Variants in NALCN observed in about 807,000 individuals in gnomAD.
NALCN encodes sodium leak channel NALCN.
A neutral mutation model predicts 225.3 loss-of-function variants in NALCN; 111 were observed. The observed-to-expected ratio is 0.49, with a 90% CI of 0.42 to 0.58. NALCN has a LOEUF of 0.58. NALCN is among the 20% of genes least tolerant of loss of function. NALCN has a pLI of 0.00. For missense variants in NALCN, 1,378 were observed against 2,202.4 expected (o/e 0.63, Z 7.49); for synonymous variants, 764 against 769.0 (o/e 0.99, Z 0.11).
chr13:101,083,014 T>C, intron 32 of NALCN, 78 bp downstream of exon 32: 1 of 1,541,136 alleles, frequency 6.5e-7, no homozygotes, highest in Non-Finnish European at 9.0e-7. Context: ...CGTGAATGCA[T>C]ATAGCAGCTT....
At chr13:101,368,267 T>C (rs915333059) in intron 6 of NALCN, among the ~76,000 whole-genome samples, 3 of 151,338 alleles carry the variant, frequency 2.0e-5, no homozygotes, top group African/African-American at 7.3e-5. Flanking sequence ...GGTTTTTTGT[T>C]CTTGCGATAG....
At chr13:101,393,175 A>T (rs910605062) in intron 3 of NALCN, among the ~76,000 whole-genome samples, 1 of 152,202 alleles carries the variant, frequency 6.6e-6, no homozygotes. Flanking sequence ...GAATGAAAAA[A>T]TAGTAACTTA....
chr13:101,314,097 T>G (rs1360967274), intron 7 of NALCN, among the ~76,000 whole-genome samples: 1 of 131,664 alleles, frequency 7.6e-6, no homozygotes, highest in Non-Finnish European at 1.5e-5. Flanking sequence ...CACTCATAGG[T>G]GGGAATTGAA....
chr13:101,347,859 T>C (rs9518375), intron 6 of NALCN, among the ~76,000 whole-genome samples: 19,126 of 152,212 alleles, frequency 0.13, 1,546 homozygotes, highest in East Asian at 0.37. Flanking sequence ...TGTACTCAAA[T>C]AATGCTTGAT....
At chr13:101,129,458 T>C (rs2036404909) in intron 17 of NALCN, among the ~76,000 whole-genome samples, 1 of 152,206 alleles carries the variant, frequency 6.6e-6, no homozygotes, top group African/African-American at 2.4e-5. Flanking sequence ...GTTCTTTTTA[T>C]ATGACCCTCG....
intron 13 of NALCN, among the ~76,000 whole-genome samples, chr13:101,220,813 A>G (rs1485747491): frequency 1.3e-5 from 2 of 152,206 alleles, no homozygotes; most frequent in African/African-American, 2.4e-5. Flanking sequence ...TATACAGATA[A>G]TATTATCAAT....
intron 11 of NALCN, among the ~76,000 whole-genome samples, chr13:101,245,575 T>A (rs1395427913): frequency 6.6e-6 from 1 of 152,102 alleles, no homozygotes; most frequent in African/African-American, 2.4e-5. Context: ...ACCCCCCAAC[T>A]AAGAACATAT....
chr13:101,383,797 T>C (rs556014533), intron 3 of NALCN, among the ~76,000 whole-genome samples: 4 of 152,354 alleles, frequency 2.6e-5, no homozygotes, highest in South Asian at 2.1e-4. Context: ...TGGATTAGCA[T>C]AGTTTGCATA....
chr13:101,189,141 T>C (rs972334981), intron 14 of NALCN, among the ~76,000 whole-genome samples: 1 of 152,200 alleles, frequency 6.6e-6, no homozygotes, highest in African/African-American at 2.4e-5. Context: ...TTCTCTTTAG[T>C]GTTACACAAA....
chr13:101,279,612 C>T (rs1009242013), intron 10 of NALCN, among the ~76,000 whole-genome samples: 94 of 151,276 alleles, frequency 6.2e-4, no homozygotes, highest in African/African-American at 2.0e-3. Context: ...GTCAGGAGAT[C>T]GAGACCATCC....
intron 7 of NALCN, among the ~76,000 whole-genome samples, chr13:101,331,825 T>C (rs1011498770): frequency 2.0e-5 from 3 of 152,138 alleles, no homozygotes. Context: ...TGAAGAAGCA[T>C]GAACAACAGC....
At chr13:101,280,870 TTCTC>T (rs200482245) in intron 10 of NALCN, among the ~76,000 whole-genome samples, 36 of 140,678 alleles carry the variant, frequency 2.6e-4, no homozygotes, top group African/African-American at 9.4e-4. Context: ...CTTTTCCTCA[TTCTC>T]TCTCTCTCTT....
chr13:101,292,934 T>C lies in NALCN; in HGVS notation c.800-568A>G, dbSNP rs761665482. Among the ~76,000 whole-genome samples the C allele has an allele frequency of 2.6e-5, 4 of 152,222 alleles. No homozygotes were observed. The highest frequency in any genetic ancestry group is 5.9e-5 in the Non-Finnish European group (4 of 68,034). On this transcript the variant is annotated intron_variant, in intron 7 of 43. Transcript: ENST00000251127. This position sits in a 1 kb window ranked among gnomAD's most constrained non-coding sequence, Gnocchi z 4.3. Reference sequence around the variant, plus strand: ...AATCACCAAATAGGACTTTGTATTTTCTGGGAGAATTACCTCATAGAAAGT... The same window carrying C: ...AATCACCAAATAGGACTTTGTATTTCCTGGGAGAATTACCTCATAGAAAGT...
In NALCN at chr13:101,055,342, G is replaced by T; in HGVS notation, c.5170C>A (p.Leu1724Met). The change falls in exon 44 of 44, where the codon CTG becomes ATG. Residue 1724 changes from leucine to methionine, a missense_variant. Leu to Met is a conservative substitution (Grantham distance 15). Around this residue, in one of 19 missense-constraint regions of NALCN, gnomAD observed 145 missense variants for 169.6 expected, o/e 0.85. Coordinates refer to ENST00000251127, the MANE Select transcript of NALCN (RefSeq NM_052867.4). ...CCACTTTCGTCGCTCTCCACAGTCA[G>T]CTGCCGGGTCCACCACTTCTTAACT... ...SEVKKWWTRQ[L>M]TVESDESGDD... is the part of the protein sequence containing the mutation. 6.2e-7 allele frequency: 1 copy of T among 1,614,044 alleles called. No individual in the cohort carries two copies. The highest frequency in any genetic ancestry group is 8.5e-7 in the Non-Finnish European group (1 of 1,179,970).
chr13:101,377,421 A>C (rs2046725227), intron 4 of NALCN, among the ~76,000 whole-genome samples: 1 of 152,200 alleles, frequency 6.6e-6, no homozygotes. Context: ...TAATAGAGAA[A>C]GGGTTAAAAT....
chr13:101,094,201 T>G lies in NALCN; in HGVS notation c.3269+1373A>C, dbSNP rs187866245. On this transcript the variant is annotated intron_variant, in intron 28 of 43. Coordinates refer to ENST00000251127, the MANE Select transcript of NALCN (RefSeq NM_052867.4). ...GCAAGGCTCAAGAGGACTCAGATGA[T>G]GTGGCCCTAGGCAGTGACTACTGGG... Among the ~76,000 whole-genome samples, 17 of 152,278 alleles carry G rather than the reference T, an allele frequency of 1.1e-4. No individual in the cohort carries two copies. In the East Asian group the frequency reaches 1.5e-3, roughly 14 times the overall value.
At chr13:101,398,372 A>G (rs1217751473) in intron 2 of NALCN, among the ~76,000 whole-genome samples, 1 of 152,144 alleles carries the variant, frequency 6.6e-6, no homozygotes, top group East Asian at 1.9e-4. Flanking sequence ...TTACTTCAGC[A>G]TCAACCATGA....
intron 17 of NALCN, among the ~76,000 whole-genome samples, chr13:101,130,552 A>G (rs1026846335): frequency 6.6e-6 from 1 of 152,064 alleles, no homozygotes; most frequent in African/African-American, 2.4e-5. Context: ...ATCTTACATT[A>G]CTCATATTCT....
chr13:101,097,899 C>A (rs1472932039), intron 27 of NALCN, among the ~76,000 whole-genome samples: 1 of 152,202 alleles, frequency 6.6e-6, no homozygotes, highest in Non-Finnish European at 1.5e-5. Context: ...AGGTACTTCG[C>A]ATAAACAAGG....
Sources: allele counts gnomAD v4.1 joint callset (sites outside exome capture counted in the v4.1 genomes callset), GRCh38; gene constraint gnomAD v4.1.1; regional missense constraint gnomAD v4.1.1; non-coding constraint Gnocchi (gnomAD v3.1); transcripts MANE v1.5; gene names NCBI Gene and HGNC (gene_info 2026-07-23, HGNC 2026-07-21).